The following NUP160 variants were observed in gnomAD, a reference collection of about 807,000 sequenced individuals.
The protein encoded by NUP160 is nuclear pore complex protein Nup160.
A neutral mutation model predicts 196.9 loss-of-function variants in NUP160; 94 were observed. The observed-to-expected ratio is 0.48, with a 90% CI of 0.40 to 0.57. The LOEUF is 0.57. Ranked by LOEUF, NUP160 falls within the 20% of genes least tolerant of loss-of-function variation. NUP160 has a pLI of 0.00. For missense variants in NUP160, 1,638 were observed against 1,748.3 expected (o/e 0.94, Z 1.13); for synonymous variants, 605 against 619.7 (o/e 0.98, Z 0.35).
intron 19 of NUP160, among the ~76,000 whole-genome samples, chr11:47,806,788 TATACACACACAC>T (rs1223480303): frequency 0.043 from 4,617 of 106,418 alleles, 141 homozygotes; most frequent in Middle Eastern, 0.07. Flanking sequence ...GGAAAGCAGC[TATACACACACAC>T]ACACACACAC....
chr11:47,833,861 A>C (rs900222733), intron 7 of NUP160, among the ~76,000 whole-genome samples: 5 of 152,258 alleles, frequency 3.3e-5, no homozygotes, highest in African/African-American at 7.2e-5. Context: ...GGAAGAATTA[A>C]GCATGTCCTG....
At position 47,818,540 on chromosome 11, in the gene NUP160, CAAACA is replaced by C. The variant is rs201043142; in HGVS notation, c.1363-421_1363-417del. On this transcript the variant is annotated intron_variant, in intron 10 of 35. Coordinates refer to ENST00000378460, the Ensembl canonical transcript of NUP160. Reference sequence around the variant, plus strand: ...AACCAGTAATAATAGGTATTATATGCAAACAAAACAAAACAAAACAAAACAAACAG... The same window carrying C: ...AACCAGTAATAATAGGTATTATATGCAAACAAAACAAAACAAAACAAACAG... Among the ~76,000 whole-genome samples the C allele has an allele frequency of 3.1e-3, 394 of 128,388 alleles. 2 individuals carry two copies. The highest frequency in any genetic ancestry group is 0.016 in the Middle Eastern group (4 of 258). 84.2% of individuals were successfully genotyped at this position (128,388 alleles called of 152,430 possible). A position where few individuals can be genotyped will look rare whatever the true frequency, so the allele number is the denominator to read the frequency against.
At chr11:47,790,137 G>A (rs1010781631) in intron 29 of NUP160, among the ~76,000 whole-genome samples, 1 of 151,784 alleles carries the variant, frequency 6.6e-6, no homozygotes, top group African/African-American at 2.4e-5. Flanking sequence ...TAGAGACAGG[G>A]TTTCTCCATG....
chr11:47,832,377 G>A (rs1017747541), intron 7 of NUP160, among the ~76,000 whole-genome samples: 4 of 152,132 alleles, frequency 2.6e-5, no homozygotes, highest in African/African-American at 4.8e-5. Context: ...AGAGGGGCCC[G>A]AATTCATAGT....
chr11:47,836,978 C>G, exon 6 of NUP160: 3 of 1,612,834 alleles, frequency 1.9e-6, no homozygotes, highest in Non-Finnish European at 2.5e-6. Flanking sequence ...ACTGAGGGGA[C>G]GATCTGAAGG....
At position 47,813,041 on chromosome 11, in the gene NUP160, T is replaced by G. The variant is rs767576230; in HGVS notation, c.1793A>C (p.Asp598Ala). 9 of 1,595,872 alleles carry G rather than the reference T, an allele frequency of 5.6e-6. No homozygotes were observed. Among genetic ancestry groups the G allele is most frequent in the African/African-American group, 1.3e-5 (1 of 74,490 alleles). ...AAGACATATGACATCCCGAGCGATG[T>G]CCACATCTACAAATAAGAGAAAGTT... The change falls in exon 15 of 36, where the codon GAC becomes GCC. Residue 598 changes from aspartate to alanine, a missense_variant. This residue lies in a region of NUP160 where 1,345 missense variants were observed against 1,470.2 expected (regional missense o/e 0.91). Coordinates refer to ENST00000378460, the Ensembl canonical transcript of NUP160.
chr11:47,825,422 G>C (rs1279733121), intron 7 of NUP160, among the ~76,000 whole-genome samples: 1 of 149,126 alleles, frequency 6.7e-6, no homozygotes, highest in Non-Finnish European at 1.5e-5. Flanking sequence ...TGGGATTATA[G>C]GTCCCCACCA....
exon 26 of NUP160, chr11:47,798,054 T>G (rs768231369): frequency 1.1e-5 from 18 of 1,579,388 alleles, no homozygotes; most frequent in Non-Finnish European, 1.6e-5. Context: ...TACCACCAAC[T>G]GCCGTAAACA....
At chr11:47,826,748 A>G (rs879422732) in intron 7 of NUP160, among the ~76,000 whole-genome samples, 5 of 152,132 alleles carry the variant, frequency 3.3e-5, no homozygotes, top group Admixed American at 2.6e-4. Flanking sequence ...TTTTTAGTAC[A>G]GTCGGGGTTT....
chr11:47,847,689 T>C (rs1331265505), intron 2 of NUP160, among the ~76,000 whole-genome samples, 159 bp downstream of exon 2: 2 of 150,864 alleles, frequency 1.3e-5, no homozygotes, highest in African/African-American at 4.9e-5. Context: ...TAGAACTCTG[T>C]GTCTCAGTTT....
chr11:47,805,810 T>C (rs1403614149), intron 20 of NUP160, among the ~76,000 whole-genome samples: 1 of 152,006 alleles, frequency 6.6e-6, no homozygotes, highest in Non-Finnish European at 1.5e-5. Context: ...CTTAGACTAT[T>C]TAGATAGAAG....
Position 47,784,916 on chromosome 11 carries a change from G to A in NUP160, c.3990+6C>T, listed in dbSNP as rs200105376. 17 of 1,575,394 alleles carry A rather than the reference G, an allele frequency of 1.1e-5. No individual in the cohort carries two copies. The highest frequency in any genetic ancestry group is 1.7e-4 in the Middle Eastern group (1 of 5,872). Reference sequence around the variant, plus strand: ...TCTTACTCTGTACAAGTTATAATCCGTTTACCTTGTAACTGTTTATAAGCC... The same window carrying A: ...TCTTACTCTGTACAAGTTATAATCCATTTACCTTGTAACTGTTTATAAGCC... On this transcript the variant is annotated splice_donor_region_variant and intron_variant, in intron 33 of 35. Transcript: ENST00000378460.
intron 27 of NUP160, among the ~76,000 whole-genome samples, chr11:47,793,722 G>GTTTTTTT (rs750497969): frequency 2.3e-5 from 2 of 87,640 alleles, no homozygotes; most frequent in African/African-American, 1.0e-4. Flanking sequence ...TAAGATATCT[G>GTTTTTTT]TTTTTTTTTT....
chr11:47,831,446 CAAAT>C (rs1852070924), intron 7 of NUP160, among the ~76,000 whole-genome samples: 3 of 152,140 alleles, frequency 2.0e-5, no homozygotes, highest in African/African-American at 7.2e-5. Context: ...AATTCCAACA[CAAAT>C]GAATAAATAA....
rs573203948 is a variant in NUP160 at position 47,792,585 on chromosome 11, C to A, written c.3450+201G>T. 1.4e-4 allele frequency: 71 copies of A among 502,062 alleles called. No individual in the cohort carries two copies. In the South Asian group the frequency reaches 1.8e-3, roughly 13 times the overall value. The allele number at this position is 502,062 out of a possible 1,614,324, so 31.1% of individuals were successfully genotyped here. ...AACCACTCTGCAATATTTCTTCCTA[C>A]AATAATTCTGAACTTGAAAACTAAA... On this transcript the variant is annotated intron_variant, in intron 28 of 35. Coordinates refer to ENST00000378460, the Ensembl canonical transcript of NUP160.
At chr11:47,807,005 C>T (rs1048456421) in intron 19 of NUP160, 65 bp downstream of exon 19, 33 of 1,198,014 alleles carry the variant, frequency 2.8e-5, no homozygotes, top group Non-Finnish European at 4.0e-5. Context: ...GGCAAAAGAC[C>T]ACTTTAATGA....
intron 12 of NUP160, 35 bp downstream of exon 12, chr11:47,815,910 GA>G (rs762307255): frequency 6.7e-7 from 1 of 1,502,442 alleles, no homozygotes; most frequent in Non-Finnish European, 9.2e-7. Context: ...TATCAAGATG[GA>G]AGGAATTCTT....
chr11:47,833,799 G>C lies in NUP160; in HGVS notation c.1101+1852C>G, dbSNP rs548980233. On this transcript the variant is annotated intron_variant, in intron 7 of 35. Transcript: ENST00000378460. Reference sequence around the variant, plus strand: ...CAATATGGTGGGCACTGTGCCTCTAGCAAGCTTTCCTGGGAAACAACATTT... The same window carrying C: ...CAATATGGTGGGCACTGTGCCTCTACCAAGCTTTCCTGGGAAACAACATTT... Among the ~76,000 whole-genome samples, 3 of 132,696 alleles carry C rather than the reference G, an allele frequency of 2.3e-5. No individual in the cohort carries two copies. In the East Asian group the frequency reaches 7.1e-4, roughly 31 times the overall value. The allele number at this position is 132,696 out of a possible 152,430, so 87.1% of individuals were successfully genotyped here. A position where few individuals can be genotyped will look rare whatever the true frequency, so the allele number is the denominator to read the frequency against.
chr11:47,807,540 G>A (rs2097678435), intron 18 of NUP160, among the ~76,000 whole-genome samples: 2 of 151,958 alleles, frequency 1.3e-5, no homozygotes, highest in African/African-American at 2.4e-5. Flanking sequence ...GATGGCAGGC[G>A]CCTCTAAACT....
Sources: gnomAD v4.1 joint callset for allele counts (sites outside exome capture counted in the v4.1 genomes callset) on GRCh38, gnomAD v4.1.1 for gene constraint, gnomAD v4.1.1 regional missense constraint, MANE v1.5 for transcripts, NCBI Gene and HGNC (gene_info 2026-07-23, HGNC 2026-07-21) for gene names.